Variants in PREX1 observed in about 807,000 individuals in gnomAD.
PREX1 encodes the protein phosphatidylinositol-3,4,5-trisphosphate dependent Rac exchange factor 1.
A neutral mutation model predicts 198.3 loss-of-function variants in PREX1; 41 were observed. The ratio of observed to expected loss-of-function variants is 0.21; its 90% CI spans 0.16 to 0.27. The LOEUF is 0.27. PREX1 is among the 10% of genes least tolerant of loss of function. The pLI is 1.00. For synonymous variants in PREX1, 843 were observed against 887.2 expected (o/e 0.95, Z 0.89); for missense variants, 1,620 against 2,200.7 (o/e 0.74, Z 5.28).
At chr20:48,786,985 C>T (rs1343861614) in intron 1 of PREX1, among the ~76,000 whole-genome samples, 1 of 150,220 alleles carries the variant, frequency 6.7e-6, no homozygotes, top group Non-Finnish European at 1.5e-5. Flanking sequence ...CCCCTCCCCA[C>T]AACACACTCC....
rs1338875674 is a variant in PREX1, at chr20:48,658,704, A to C, written c.1882-476T>G. The stretch of plus-strand genomic sequence containing the variant: ...TGCTTAGTGCGGGAGGCCAACTATA[A>C]ACAAATAAACAAAAGAAATACAGGA... On this transcript the variant is annotated intron_variant, in intron 16 of 39. Coordinates refer to ENST00000371941, the MANE Select transcript of PREX1 (RefSeq NM_020820.4). 2.0e-5 allele frequency among the ~76,000 whole-genome samples: 3 copies of C among 152,192 alleles called. No individual in the cohort carries two copies. In the East Asian group the frequency reaches 5.8e-4, roughly 29 times the overall value.
rs1347007811 is a variant in PREX1 at position 48,827,977 on chromosome 20, C to A, written c.-117G>T. On this transcript the variant is annotated 5_prime_UTR_variant, in exon 1 of 40. Coordinates refer to ENST00000371941, the MANE Select transcript of PREX1 (RefSeq NM_020820.4). This position sits in a 1 kb window ranked among gnomAD's most constrained non-coding sequence, Gnocchi z 4.1. Reference sequence around the variant, plus strand: ...GGGCCGGGCTCAGCGGCGGGCCGGGCTCCCGGCGCGGCGGGCGGGACTGGG... The same window carrying A: ...GGGCCGGGCTCAGCGGCGGGCCGGGATCCCGGCGCGGCGGGCGGGACTGGG... 1.8e-5 allele frequency: 5 copies of A among 275,780 alleles called. No homozygotes were observed. Among genetic ancestry groups the A allele is most frequent in the Non-Finnish European group, 2.7e-5 (5 of 184,720 alleles). 17.1% of individuals were successfully genotyped at this position (275,780 alleles called of 1,614,324 possible). A position where few individuals can be genotyped will look rare whatever the true frequency, so the allele number is the denominator to read the frequency against.
intron 1 of PREX1, among the ~76,000 whole-genome samples, chr20:48,763,147 C>A (rs913330952): frequency 1.3e-5 from 2 of 152,338 alleles, no homozygotes; most frequent in Admixed American, 1.3e-4. Flanking sequence ...CACACTATTA[C>A]ACCAAAAGAA....
the PREX1 span, among the ~76,000 whole-genome samples, chr20:48,838,117 C>T: frequency 1.3e-5 from 2 of 152,124 alleles, no homozygotes; most frequent in South Asian, 2.1e-4. Flanking sequence ...AGCCAGGCAG[C>T]GGTTTCCTCT....
At chr20:48,834,478 C>G in the PREX1 span, among the ~76,000 whole-genome samples, 1 of 152,064 alleles carries the variant, frequency 6.6e-6, no homozygotes, top group Non-Finnish European at 1.5e-5. Context: ...CTGTAGCCGG[C>G]AGAAACACAA....
At chr20:48,733,553 C>T (rs772757437) in intron 4 of PREX1, among the ~76,000 whole-genome samples, 39 of 152,308 alleles carry the variant, frequency 2.6e-4, no homozygotes, top group Non-Finnish European at 4.1e-4. Context: ...TTCGGGAGAG[C>T]CTGCCTGGGA....
the PREX1 span, among the ~76,000 whole-genome samples, chr20:48,864,489 C>T: frequency 6.6e-6 from 1 of 152,186 alleles, no homozygotes; most frequent in Non-Finnish European, 1.5e-5. Context: ...GACATTTGGT[C>T]TTCACAAGCA....
At chr20:48,803,287 C>T (rs1004376236) in intron 1 of PREX1, among the ~76,000 whole-genome samples, 2 of 152,070 alleles carry the variant, frequency 1.3e-5, no homozygotes, top group African/African-American at 4.8e-5. Flanking sequence ...ATCCAGGGAC[C>T]CCAAGCATCC....
At chr20:48,794,936 T>G (rs926359538) in intron 1 of PREX1, among the ~76,000 whole-genome samples, 1 of 152,176 alleles carries the variant, frequency 6.6e-6, no homozygotes, top group African/African-American at 2.4e-5. Flanking sequence ...GTTGATTAAG[T>G]GAAACTCTTT....
At chr20:48,675,077 A>G (rs928878626) in intron 14 of PREX1, among the ~76,000 whole-genome samples, 4 of 152,244 alleles carry the variant, frequency 2.6e-5, no homozygotes, top group Non-Finnish European at 5.9e-5. Flanking sequence ...TACGGTTTGA[A>G]TGCTTTTGTC....
intron 6 of PREX1, among the ~76,000 whole-genome samples, chr20:48,706,056 A>G (rs2123081397): frequency 6.6e-6 from 1 of 152,308 alleles, no homozygotes; most frequent in African/African-American, 2.4e-5. Context: ...AATAACTGCC[A>G]ACAATTCTTA....
chr20:48,699,347 G>A (rs554933506), intron 7 of PREX1, among the ~76,000 whole-genome samples: 2 of 152,288 alleles, frequency 1.3e-5, no homozygotes, highest in Admixed American at 1.3e-4. Context: ...CAAAGTAACA[G>A]CAAAGAGAAT....
intron 1 of PREX1, among the ~76,000 whole-genome samples, chr20:48,774,016 G>C (rs896963891): frequency 2.0e-5 from 3 of 152,194 alleles, no homozygotes; most frequent in African/African-American, 7.2e-5. Context: ...TGGGATGTGA[G>C]GGACGAGAGA....
At chr20:48,823,288 G>A (rs904053867) in intron 1 of PREX1, among the ~76,000 whole-genome samples, 2 of 140,862 alleles carry the variant, frequency 1.4e-5, no homozygotes, top group East Asian at 2.1e-4. Context: ...CTTCTCTTTC[G>A]ACCACTGCCC....
intron 29 of PREX1, among the ~76,000 whole-genome samples, chr20:48,641,637 C>G (rs1179965571): frequency 2.0e-5 from 3 of 151,370 alleles, no homozygotes; most frequent in African/African-American, 7.3e-5. Context: ...AAAAAAAAAT[C>G]CAAAATTAGC....
chr20:48,799,073 G>A (rs1366249929), intron 1 of PREX1, among the ~76,000 whole-genome samples: 3 of 152,036 alleles, frequency 2.0e-5, no homozygotes, highest in African/African-American at 4.8e-5. Context: ...TAGTAGAGAC[G>A]GGGTTTCACC....
rs200613383 is a variant in PREX1 at position 48,630,714 on chromosome 20, G to A, written c.4593+14C>T. 34 of 1,570,602 alleles carry A rather than the reference G, an allele frequency of 2.2e-5. No individual in the cohort carries two copies. Among genetic ancestry groups the A allele is most frequent in the South Asian group, 2.1e-4 (19 of 90,158 alleles). The stretch of plus-strand genomic sequence containing the variant: ...TGCCCAAGCTCCCTGCAGCAGGAGG[G>A]CACGTGGACATACCTGGTCTATCTT... On this transcript the variant is annotated intron_variant, in intron 36 of 39. Transcript: ENST00000371941.
intron 2 of PREX1, among the ~76,000 whole-genome samples, chr20:48,746,728 C>G (rs1022339941): frequency 6.6e-6 from 1 of 151,428 alleles, no homozygotes; most frequent in Non-Finnish European, 1.5e-5. Context: ...AAGGTTTGCA[C>G]CCTTTACTGT....
intron 23 of PREX1, 94 bp downstream of exon 23, chr20:48,650,800 G>A: frequency 6.9e-7 from 1 of 1,454,176 alleles, no homozygotes; most frequent in Non-Finnish European, 9.4e-7. Context: ...CAGCTGAGTT[G>A]GGTTGGGCTT....
Sources: allele counts gnomAD v4.1 joint callset (sites outside exome capture counted in the v4.1 genomes callset), GRCh38; gene constraint gnomAD v4.1.1; non-coding constraint Gnocchi (gnomAD v3.1); transcripts MANE v1.5; gene names NCBI Gene and HGNC (gene_info 2026-07-23, HGNC 2026-07-21).